The following PTPRT variants were observed in gnomAD, a reference collection of about 807,000 sequenced individuals.
The protein encoded by PTPRT is receptor-type tyrosine-protein phosphatase T.
PTPRT carries 56 observed loss-of-function variants against 176.8 expected under a neutral mutation model. The observed-to-expected ratio is 0.32, with a 90% CI of 0.26 to 0.40. The LOEUF is 0.40. Among genes scored for constraint, PTPRT ranks in the 10% least tolerant of loss-of-function variants. The pLI, the probability that PTPRT is intolerant of heterozygous loss-of-function variation, is 1.00. For missense variants in PTPRT, 1,540 were observed against 1,908.2 expected, an observed-to-expected ratio of 0.81 and a Z score of 3.60; for synonymous variants, 783 against 739.0, an observed-to-expected ratio of 1.06 and a Z score of -0.96.
chr20:42,556,468 C>T (rs2072862919), intron 7 of PTPRT, among the ~76,000 whole-genome samples: 1 of 152,030 alleles, frequency 6.6e-6, no homozygotes, highest in Non-Finnish European at 1.5e-5. Context: ...GGTGGAAACC[C>T]CACCTTCCTG....
intron 7 of PTPRT, among the ~76,000 whole-genome samples, chr20:42,574,906 C>T (rs1450677629): frequency 6.6e-6 from 1 of 152,128 alleles, no homozygotes; most frequent in Admixed American, 6.6e-5. Flanking sequence ...CTCCTGCCAT[C>T]CTGCCATCAT....
At chr20:42,569,702 T>C (rs999273223) in intron 7 of PTPRT, among the ~76,000 whole-genome samples, 1 of 152,132 alleles carries the variant, frequency 6.6e-6, no homozygotes, top group Non-Finnish European at 1.5e-5. Context: ...CATGCTATGC[T>C]CCAGGCAGAA....
intron 1 of PTPRT, among the ~76,000 whole-genome samples, chr20:43,024,712 T>C (rs969576055): frequency 2.0e-5 from 3 of 152,200 alleles, no homozygotes; most frequent in Non-Finnish European, 4.4e-5. Flanking sequence ...TTGGCCACTA[T>C]TCCATTGGGC....
chr20:42,890,884 G>T (rs2145884760), intron 1 of PTPRT, among the ~76,000 whole-genome samples: 1 of 152,220 alleles, frequency 6.6e-6, no homozygotes, highest in Non-Finnish European at 1.5e-5. Context: ...TGAATCATAG[G>T]GGTGGTTTCC....
the PTPRT span, among the ~76,000 whole-genome samples, chr20:42,055,701 G>T: frequency 1.3e-5 from 2 of 152,158 alleles, no homozygotes; most frequent in Non-Finnish European, 2.9e-5. Context: ...ACCATGGGGG[G>T]AATGAGAGGA....
intron 3 of PTPRT, among the ~76,000 whole-genome samples, chr20:42,787,271 C>T (rs1157297947): frequency 6.6e-6 from 1 of 152,126 alleles, no homozygotes; most frequent in African/African-American, 2.4e-5. Flanking sequence ...GAAATGGATG[C>T]TCTTAATTTC....
intron 17 of PTPRT, among the ~76,000 whole-genome samples, chr20:42,159,044 C>T (rs1203867360): frequency 1.3e-5 from 2 of 151,032 alleles, no homozygotes; most frequent in Non-Finnish European, 2.9e-5. Flanking sequence ...GTAATTCTGT[C>T]TTCAAATTTC....
intron 2 of PTPRT, among the ~76,000 whole-genome samples, chr20:42,855,932 G>A (rs1163003437): frequency 1.3e-5 from 2 of 152,068 alleles, no homozygotes; most frequent in African/African-American, 4.8e-5. Flanking sequence ...GGAATTATCA[G>A]GCAGAAACCA....
intron 1 of PTPRT, among the ~76,000 whole-genome samples, chr20:43,063,883 T>C (rs142309648): frequency 2.6e-5 from 4 of 152,298 alleles, no homozygotes; most frequent in African/African-American, 9.6e-5. Flanking sequence ...GGACTCAACA[T>C]GAGTTCAGAG....
intron 7 of PTPRT, among the ~76,000 whole-genome samples, chr20:42,589,631 T>C (rs2073533853): frequency 6.6e-6 from 1 of 152,036 alleles, no homozygotes; most frequent in Admixed American, 6.6e-5. Flanking sequence ...GCTGCACACA[T>C]CCCCCTTCAG....
At chr20:42,508,152 T>TGTGTGTGTGTGTG (rs1555872023) in intron 7 of PTPRT, among the ~76,000 whole-genome samples, 2 of 151,344 alleles carry the variant, frequency 1.3e-5, no homozygotes, top group African/African-American at 4.9e-5. Flanking sequence ...TGTGTGTGTA[T>TGTGTGTGTGTGTG]TATATTAACA....
intron 1 of PTPRT, among the ~76,000 whole-genome samples, chr20:43,064,749 C>T (rs895111672): frequency 1.3e-5 from 2 of 152,192 alleles, no homozygotes; most frequent in African/African-American, 2.4e-5. Context: ...CCTCTGGTAA[C>T]ACTTCAATTA....
At position 42,505,960 on chromosome 20, in the gene PTPRT, G is replaced by A. The variant is rs183702157; in HGVS notation, c.1154-33398C>T. On this transcript the variant is annotated intron_variant, in intron 7 of 30. Transcript: ENST00000373187. ...AAAGGTTGAGCCAGAGCAAGTAGTT[G>A]AAAAGATTTTCTATGCCCCTTTCCT... Among the ~76,000 whole-genome samples, 6 of 152,228 alleles carry A rather than the reference G, an allele frequency of 3.9e-5. No individual in the cohort carries two copies. The East Asian group carries it at 1.2e-3, about 29-fold the overall frequency.
rs377631332 is a variant in PTPRT at position 42,610,388 on chromosome 20, T to G, written c.1153+67478A>C. On this transcript the variant is annotated intron_variant, in intron 7 of 30. Coordinates refer to ENST00000373187, the MANE Select transcript of PTPRT (RefSeq NM_007050.6). ...CGGGTTTACTTGTTTTGTTTTTTTT[T>G]TTTGTTTTTTTTTTTGAGATGGGGT... Among the ~76,000 whole-genome samples the G allele has an allele frequency of 9.7e-4, 146 of 151,264 alleles. 1 individual carries two copies. Among genetic ancestry groups the G allele is most frequent in the East Asian group, 8.0e-3 (41 of 5,156 alleles).
intron 6 of PTPRT, among the ~76,000 whole-genome samples, chr20:42,737,571 G>A (rs1362401128): frequency 4.6e-5 from 7 of 151,570 alleles, no homozygotes; most frequent in African/African-American, 1.7e-4. Flanking sequence ...GACGGAGGTT[G>A]CAGTGAGCCA....
intron 2 of PTPRT, among the ~76,000 whole-genome samples, chr20:42,881,443 C>T (rs1275038870): frequency 3.9e-5 from 6 of 152,162 alleles, no homozygotes; most frequent in East Asian, 1.9e-4. Flanking sequence ...ATCAGCAAAG[C>T]GCCAGATGCA....
chr20:42,321,022 T>C (rs2057792399), intron 11 of PTPRT, among the ~76,000 whole-genome samples: 1 of 152,210 alleles, frequency 6.6e-6, no homozygotes, highest in Non-Finnish European at 1.5e-5. Flanking sequence ...CAAGAGTGGC[T>C]CTGACAGGGC....
chr20:42,761,845 T>C (rs944737244), intron 5 of PTPRT, among the ~76,000 whole-genome samples: 2 of 152,164 alleles, frequency 1.3e-5, no homozygotes, highest in African/African-American at 2.4e-5. Flanking sequence ...TGAGTTAGGA[T>C]TGGACCCAGG....
At chr20:42,414,795 G>T (rs1300061515) in intron 9 of PTPRT, among the ~76,000 whole-genome samples, 1 of 152,116 alleles carries the variant, frequency 6.6e-6, no homozygotes, top group Non-Finnish European at 1.5e-5. Context: ...TATTGTAAAG[G>T]TATCAATTCT....
Sources: gnomAD v4.1 joint callset for allele counts (sites outside exome capture counted in the v4.1 genomes callset) on GRCh38, gnomAD v4.1.1 for gene constraint, MANE v1.5 for transcripts, NCBI Gene and HGNC (gene_info 2026-07-23, HGNC 2026-07-21) for gene names.